Variants in LRRC74A observed in about 807,000 individuals in gnomAD.
The protein encoded by LRRC74A is leucine rich repeat containing 74A.
In LRRC74A, 44 loss-of-function variants were observed where a neutral mutation model predicts 57.9. The observed-to-expected ratio is 0.76, with a 90% CI of 0.60 to 0.98. The LOEUF (loss-of-function observed/expected upper bound fraction) is 0.98. Among genes scored for constraint, LRRC74A ranks in the 50% least tolerant of loss-of-function variants. The pLI is 0.00. For synonymous variants in LRRC74A, 211 were observed against 219.4 expected (o/e 0.96, Z 0.34); for missense variants, 572 against 574.0 (o/e 1.00, Z 0.04).
At chr14:76,861,777 A>G (rs546805919) in intron 11 of LRRC74A, among the ~76,000 whole-genome samples, 38 of 152,340 alleles carry the variant, frequency 2.5e-4, no homozygotes, top group African/African-American at 8.9e-4. Context: ...AGTGGGGGCA[A>G]GGAGCCTGCT....
rs1896918509 is a variant in LRRC74A, at chr14:76,843,474, T to C, written c.545-949T>C. Among the ~76,000 whole-genome samples, 8 of 152,104 alleles carry C rather than the reference T, an allele frequency of 5.3e-5. No individual in the cohort carries two copies. In the South Asian group the frequency reaches 1.7e-3, roughly 32 times the overall value. ...CTCACAGGTGTCCCAGTCCTGCTGC[T>C]TGAACTTGGATGAGCATTTTTAGGA... On this transcript the variant is annotated intron_variant, in intron 5 of 13. Transcript: ENST00000689127.
intron 9 of LRRC74A, among the ~76,000 whole-genome samples, chr14:76,854,897 A>G (rs1165903368): frequency 1.3e-5 from 2 of 152,152 alleles, no homozygotes; most frequent in Non-Finnish European, 2.9e-5. Flanking sequence ...TCACCTGGTA[A>G]TGTGGGCTCT....
chr14:76,858,055 T>C (rs958509460), intron 10 of LRRC74A, among the ~76,000 whole-genome samples: 3 of 152,222 alleles, frequency 2.0e-5, no homozygotes, highest in Non-Finnish European at 4.4e-5. Flanking sequence ...TTTTATACTC[T>C]GTTTTTCCCA....
intron 12 of LRRC74A, among the ~76,000 whole-genome samples, chr14:76,866,919 T>C (rs1215126988): frequency 7.9e-6 from 1 of 125,894 alleles, no homozygotes; most frequent in Admixed American, 8.2e-5. Flanking sequence ...GTGTGGGGTG[T>C]GTGTGTTGGG....
intron 5 of LRRC74A, among the ~76,000 whole-genome samples, 179 bp from the exon 6 acceptor site, chr14:76,844,244 C>A (rs751051939): frequency 2.6e-5 from 4 of 152,230 alleles, no homozygotes; most frequent in African/African-American, 7.2e-5. Context: ...CTCAAGTCAT[C>A]CTCCCACTTC....
chr14:76,869,363 C>G (rs1439141435), intron 13 of LRRC74A, among the ~76,000 whole-genome samples: 1 of 152,200 alleles, frequency 6.6e-6, no homozygotes, highest in Non-Finnish European at 1.5e-5. Context: ...CACACTGCCG[C>G]TTTATCAGCT....
chr14:76,863,575 G>A (rs933224297), intron 11 of LRRC74A, among the ~76,000 whole-genome samples: 1 of 152,210 alleles, frequency 6.6e-6, no homozygotes, highest in African/African-American at 2.4e-5. Flanking sequence ...CGCCCTTCGT[G>A]TTCCCGAAGC....
chr14:76,839,056 T>C (rs181715751), intron 5 of LRRC74A, among the ~76,000 whole-genome samples: 3 of 152,318 alleles, frequency 2.0e-5, no homozygotes, highest in Admixed American at 6.5e-5. Context: ...TTCTGAGTTA[T>C]GGACATACCA....
intron 7 of LRRC74A, 86 bp downstream of exon 7, chr14:76,844,987 T>C: frequency 1.4e-6 from 1 of 721,752 alleles, no homozygotes. Flanking sequence ...TTAAACATGA[T>C]TTTTAAATGT....
At chr14:76,840,584 CTT>C (rs34388699) in intron 5 of LRRC74A, among the ~76,000 whole-genome samples, 1,412 of 129,924 alleles carry the variant, frequency 0.011, 10 homozygotes, top group African/African-American at 0.038. Context: ...TTATGTATTT[CTT>C]TTTTTTTTTT....
chr14:76,834,710 G>A (rs1448144200), intron 3 of LRRC74A, among the ~76,000 whole-genome samples: 1 of 152,130 alleles, frequency 6.6e-6, no homozygotes, highest in Non-Finnish European at 1.5e-5. Flanking sequence ...ATGGATTTGG[G>A]GACTGGGCCT....
chr14:76,852,580 T>C, intron 8 of LRRC74A, 130 bp downstream of exon 8: 1 of 578,696 alleles, frequency 1.7e-6, no homozygotes, highest in Non-Finnish European at 2.8e-6. Flanking sequence ...TCAAATACTT[T>C]TCAAGTTATT....
chr14:76,832,489 G>A (rs1282209490), intron 3 of LRRC74A, among the ~76,000 whole-genome samples: 1 of 152,296 alleles, frequency 6.6e-6, no homozygotes, highest in African/African-American at 2.4e-5. Flanking sequence ...TGCATTTTTA[G>A]TAGAGAAGGA....
At chr14:76,857,017 GGATGGATGAGCAGTGA>G in intron 9 of LRRC74A, among the ~76,000 whole-genome samples, 1 of 146,220 alleles carries the variant, frequency 6.8e-6, no homozygotes, top group Non-Finnish European at 1.5e-5. Context: ...ATGGATAGGC[GGATGGATGAGCAGTGA>G]GATGGATGAG....
intron 9 of LRRC74A, 116 bp from the exon 10 acceptor site, chr14:76,857,264 A>G: frequency 1.6e-6 from 1 of 640,476 alleles, no homozygotes; most frequent in Non-Finnish European, 2.8e-6. Context: ...ATAATTACTT[A>G]CAGTGAAGTC....
intron 13 of LRRC74A, among the ~76,000 whole-genome samples, 162 bp from the exon 14 acceptor site, chr14:76,869,963 C>T (rs190015809): frequency 1.3e-5 from 2 of 152,258 alleles, no homozygotes; most frequent in Admixed American, 1.3e-4. Context: ...CACATGCACA[C>T]ATGTGTAGTG....
chr14:76,835,286 G>A (rs1192827964), intron 3 of LRRC74A, among the ~76,000 whole-genome samples: 5 of 151,866 alleles, frequency 3.3e-5, no homozygotes, highest in Admixed American at 6.6e-5. Flanking sequence ...AGTTTAAGAC[G>A]AGCCTGGTGA....
chr14:76,863,485 T>G (rs1898492293), intron 11 of LRRC74A, among the ~76,000 whole-genome samples: 1 of 152,158 alleles, frequency 6.6e-6, no homozygotes, highest in Non-Finnish European at 1.5e-5. Context: ...TGGGTCTCGC[T>G]CATTCCTACC....
At chr14:76,842,826 A>C (rs1324880855) in intron 5 of LRRC74A, among the ~76,000 whole-genome samples, 1 of 152,228 alleles carries the variant, frequency 6.6e-6, no homozygotes. Context: ...TACATTGCTT[A>C]GCAGGGCCAC....
Sources: allele counts gnomAD v4.1 joint callset (sites outside exome capture counted in the v4.1 genomes callset), GRCh38; gene constraint gnomAD v4.1.1; transcripts MANE v1.5; gene names NCBI Gene and HGNC (gene_info 2026-07-23, HGNC 2026-07-21).